MGA: variants seen among roughly 807,000 people sequenced by gnomAD.
The protein encoded by MGA is MAX gene-associated protein.
MGA carries 40 observed loss-of-function variants against 261.1 expected under a neutral mutation model. The ratio of observed to expected loss-of-function variants is 0.15; its 90% CI spans 0.12 to 0.20. The LOEUF is 0.20. Ranked by LOEUF, MGA falls within the 10% of genes least tolerant of loss-of-function variation. The pLI is 1.00. For missense variants in MGA, 3,397 were observed against 3,630.5 expected, an observed-to-expected ratio of 0.94 and a Z score of 1.65; for synonymous variants, 1,302 against 1,290.6, an observed-to-expected ratio of 1.01 and a Z score of -0.19.
At chr15:41,707,507 G>A (rs2151440245) in intron 5 of MGA, among the ~76,000 whole-genome samples, 1 of 152,258 alleles carries the variant, frequency 6.6e-6, no homozygotes, top group Non-Finnish European at 1.5e-5. Flanking sequence ...CGGGGTGAGG[G>A]GAGTTATACA....
At chr15:41,740,427 A>T (rs1001693411) in intron 14 of MGA, among the ~76,000 whole-genome samples, 1 of 151,978 alleles carries the variant, frequency 6.6e-6, no homozygotes, top group South Asian at 2.1e-4. Flanking sequence ...TTGGTTTTAT[A>T]TATATTTTTT....
chr15:41,700,102 T>C (rs1874679458), intron 5 of MGA, among the ~76,000 whole-genome samples: 1 of 145,002 alleles, frequency 6.9e-6, no homozygotes, highest in Non-Finnish European at 1.5e-5. Context: ...TGGAGTGCAG[T>C]GGCACGATCT....
Position 41,762,461 on chromosome 15 carries a change from GTTTTTTT to G in MGA, c.7744+123_7744+129del, listed in dbSNP as rs34069193. On this transcript the variant is annotated intron_variant, in intron 22 of 23. Coordinates refer to ENST00000219905, the MANE Select transcript of MGA (RefSeq NM_001164273.2). ...TTGTCCACATTTTTAGTTTTGTGTG[GTTTTTTT>G]TTTTTTTTTTTTTTTTTTTTTTTGG... 6.6e-3 allele frequency: 909 copies of G among 138,156 alleles called. 1 individual carries two copies. Among genetic ancestry groups the G allele is most frequent in the East Asian group, 0.016 (44 of 2,742 alleles). 8.6% of individuals were successfully genotyped at this position (138,156 alleles called of 1,614,324 possible).
chr15:41,753,379 T>A (rs1466002350), intron 17 of MGA, among the ~76,000 whole-genome samples: 1 of 81,720 alleles, frequency 1.2e-5, no homozygotes, highest in East Asian at 2.0e-4. Context: ...AGTAAACACT[T>A]TTTTTTTTTT....
chr15:41,652,980 A>C (rs968164117), intron 1 of MGA, among the ~76,000 whole-genome samples: 1 of 152,214 alleles, frequency 6.6e-6, no homozygotes, highest in South Asian at 2.1e-4. Flanking sequence ...AATCGCTACA[A>C]TTTATAATCT....
chr15:41,746,544 CAAAAA>C (rs869061461), intron 15 of MGA, among the ~76,000 whole-genome samples: 1 of 61,854 alleles, frequency 1.6e-5, no homozygotes, highest in African/African-American at 6.1e-5. Context: ...GACTTCGTCT[CAAAAA>C]AAAAAAAAAA....
At chr15:41,697,904 T>A (rs907089865) in intron 3 of MGA, among the ~76,000 whole-genome samples, 27 of 152,314 alleles carry the variant, frequency 1.8e-4, no homozygotes, top group African/African-American at 6.3e-4. Context: ...AGTCTCGGTC[T>A]GTGGCTCATG....
chr15:41,719,081 G>A (rs2060806388), intron 9 of MGA, among the ~76,000 whole-genome samples: 1 of 152,050 alleles, frequency 6.6e-6, no homozygotes, highest in African/African-American at 2.4e-5. Flanking sequence ...CAACATGTTT[G>A]TACATATAAG....
chr15:41,751,988 A>G (rs1204051844), intron 17 of MGA: 1 of 152,216 alleles, frequency 6.6e-6, no homozygotes, highest in East Asian at 1.9e-4. Context: ...TGCTTTATGC[A>G]CATAAAATAA....
intron 1 of MGA, among the ~76,000 whole-genome samples, chr15:41,622,234 G>A (rs1190095582): frequency 3.3e-5 from 5 of 152,148 alleles, no homozygotes; most frequent in Non-Finnish European, 7.4e-5. Flanking sequence ...CAGGCCTTTG[G>A]CTAGTTTCAT....
At position 41,713,305 on chromosome 15, in the gene MGA, G is replaced by A; in HGVS notation, c.3239G>A (p.Cys1080Tyr). Residue 1080 changes from cysteine to tyrosine, a missense_variant, in exon 9 of 24, where the codon TGT (cysteine) becomes TAT (tyrosine). Cys to Tyr is a radical substitution (Grantham distance 194). Transcript: ENST00000219905. Reference sequence around the variant, plus strand: ...CGCCGACCAGACTGCATGTTTGGTTGTACTTGTTTGAAAAGAAAAGTTGTA... The same window carrying A: ...CGCCGACCAGACTGCATGTTTGGTTATACTTGTTTGAAAAGAAAAGTTGTA... 6.2e-7 allele frequency: 1 copy of A among 1,613,960 alleles called. No individual in the cohort carries two copies. The highest frequency in any genetic ancestry group is 8.5e-7 in the Non-Finnish European group (1 of 1,179,884).
intron 2 of MGA, among the ~76,000 whole-genome samples, chr15:41,690,519 T>C (rs1051951649): frequency 2.0e-5 from 3 of 152,188 alleles, no homozygotes; most frequent in African/African-American, 7.2e-5. Flanking sequence ...TTCTGGACTC[T>C]CAATTCTGTT....
At chr15:41,699,211 T>A in intron 5 of MGA, 52 bp downstream of exon 5, 1 of 1,191,306 alleles carries the variant, frequency 8.4e-7, no homozygotes, top group Non-Finnish European at 1.2e-6. Context: ...CTTTCTTCCC[T>A]ACTGTTTCTC....
intron 9 of MGA, among the ~76,000 whole-genome samples, chr15:41,722,225 G>A (rs2060984600): frequency 6.8e-6 from 1 of 147,978 alleles, no homozygotes; most frequent in Non-Finnish European, 1.5e-5. Flanking sequence ...CGCCTCCCGG[G>A]TTCACACCAT....
intron 15 of MGA, 82 bp downstream of exon 15, chr15:41,743,254 A>G: frequency 1.4e-6 from 2 of 1,405,622 alleles, no homozygotes; most frequent in Non-Finnish European, 1.9e-6. Context: ...GATTATAGAT[A>G]TATCAGGATA....
intron 20 of MGA, among the ~76,000 whole-genome samples, chr15:41,761,489 A>G (rs2063455266): frequency 6.6e-6 from 1 of 152,196 alleles, no homozygotes; most frequent in South Asian, 2.1e-4. Context: ...GCAGTGGTGG[A>G]ATACCTACTA....
chr15:41,678,216 G>A (rs1394978315), intron 2 of MGA, among the ~76,000 whole-genome samples: 1 of 150,938 alleles, frequency 6.6e-6, no homozygotes, highest in Non-Finnish European at 1.5e-5. Context: ...TCAGCCTCCT[G>A]AGTAGCTGGG....
chr15:41,622,280 G>T (rs1351819340), intron 1 of MGA, among the ~76,000 whole-genome samples: 1 of 152,056 alleles, frequency 6.6e-6, no homozygotes, highest in Admixed American at 6.6e-5. Context: ...CATTCAGCTC[G>T]GTAGAGGAGA....
At chr15:41,627,270 C>T (rs2056478534) in intron 1 of MGA, among the ~76,000 whole-genome samples, 1 of 152,126 alleles carries the variant, frequency 6.6e-6, no homozygotes, top group South Asian at 2.1e-4. Flanking sequence ...TTCAGATTTC[C>T]TTTTTATCTA....
Sources: allele counts gnomAD v4.1 joint callset (sites outside exome capture counted in the v4.1 genomes callset), GRCh38; gene constraint gnomAD v4.1.1; transcripts MANE v1.5; gene names NCBI Gene and HGNC (gene_info 2026-07-23, HGNC 2026-07-21).